The following SLC16A11 variants were observed in gnomAD, a reference collection of about 807,000 sequenced individuals.
The protein encoded by SLC16A11 is solute carrier family 16 member 11.
Under a neutral mutation model 26.0 loss-of-function variants are expected in SLC16A11, and 24 were observed. That is an observed-to-expected ratio of 0.92 (90% confidence interval 0.67 to 1.30). SLC16A11 has a LOEUF of 1.30. Ranked by LOEUF, SLC16A11 falls within the 50% of genes most tolerant of loss-of-function variation. SLC16A11 has a pLI of 0.00. For missense variants in SLC16A11, 638 were observed against 597.7 expected (o/e 1.07, Z -0.70); for synonymous variants, 332 against 296.0 (o/e 1.12, Z -1.25).
intron 2 of SLC16A11, 82 bp downstream of exon 2, chr17:7,043,230 C>T: frequency 1.3e-6 from 2 of 1,516,922 alleles, no homozygotes; most frequent in Non-Finnish European, 1.8e-6. Flanking sequence ...CTCAGGTTGT[C>T]GGGTAATCAG....
rs968085398 is a variant in SLC16A11, at chr17:7,043,243, G to T, written c.202+69C>A. On this transcript the variant is annotated intron_variant, in intron 2 of 4. Transcript: ENST00000574600. ...TTCTCAGGTTGTCGGGTAATCAGGT[G>T]GGTCTCCCATCCCTCCACTCACGGC... The T allele has an allele frequency of 3.9e-5, 60 of 1,534,316 alleles. No individual in the cohort carries two copies. The East Asian group carries it at 1.2e-3, about 32-fold the overall frequency.
In SLC16A11 at chr17:7,043,435, G is replaced by T. The variant is rs757941446; in HGVS notation, c.79C>A (p.Leu27Met). The change falls in exon 2 of 5, where the codon CTG (leucine) becomes ATG (methionine). Residue 27 changes from leucine (L) to methionine (M), a missense_variant. Coordinates refer to ENST00000574600, the MANE Select transcript of SLC16A11 (RefSeq NM_001370549.1). Reference protein sequence around the residue: ...VAAAAFAINGLSYGLLRSLGL... With the variant: ...VAAAAFAINGMSYGLLRSLGL... ...AGCGAGCGCAGCAGCCCGTAGGACA[G>T]CCCGTTTATCGCGAAGGCTGCGGCC... The T allele has an allele frequency of 1.2e-5, 20 of 1,600,768 alleles. No individual in the cohort carries two copies. Among genetic ancestry groups the T allele is most frequent in the African/African-American group, 4.0e-5 (3 of 74,810 alleles).
rs868421848 is a variant in SLC16A11 at position 7,042,668 on chromosome 17, C to G, written c.442G>C (p.Gly148Arg). 3.2e-6 allele frequency: 5 copies of G among 1,558,346 alleles called. No individual in the cohort carries two copies. Among genetic ancestry groups the G allele is most frequent in the South Asian group, 2.3e-5 (2 of 85,438 alleles). Residue 148 changes from glycine to arginine, a missense_variant, in exon 4 of 5, where the codon GGC (glycine) becomes CGC (arginine). Transcript: ENST00000574600. The surrounding 1 kb of genome is among the most constrained non-coding windows in gnomAD (Gnocchi z 5.9). ...AGGAGCAGCGAGGAGGCCCCGTTGCCGGTGAGCGCCAGCCCCACCGCCAAG... is the reference window on the plus strand; with the variant it reads ...AGGAGCAGCGAGGAGGCCCCGTTGCGGGTGAGCGCCAGCCCCACCGCCAAG... ...RVLAVGLALT[G>R]NGASSLLLAP... is the part of the protein sequence containing the mutation.
chr17:7,043,639 G>T, intron 1 of SLC16A11, 120 bp from the exon 2 acceptor site: 3 of 1,492,506 alleles, frequency 2.0e-6, no homozygotes, highest in Non-Finnish European at 2.7e-6. Flanking sequence ...CACTCCGAGC[G>T]CGATGGCGCG....
Position 7,042,321 on chromosome 17 carries a change from C to T in SLC16A11, c.789G>A (p.Ala263=), listed in dbSNP as rs779648617. 6.5e-7 allele frequency: 1 copy of T among 1,546,962 alleles called. No homozygotes were observed. The highest frequency in any genetic ancestry group is 8.7e-7 in the Non-Finnish European group (1 of 1,143,562). Residue 263 remains alanine (A), a synonymous_variant, in exon 4 of 5, where the codon GCG becomes GCA. Coordinates refer to ENST00000574600, the MANE Select transcript of SLC16A11 (RefSeq NM_001370549.1). This position sits in a 1 kb window ranked among gnomAD's most constrained non-coding sequence, Gnocchi z 5.9. The part of the protein sequence containing the change: ...YGAALVVAVA[A]MGDAGARLVC... ...CCAGCCGGGCGCCCGCATCCCCCAT[C>T]GCAGCCACGGCCACCACCAGCGCTG...
Position 7,042,591 on chromosome 17 carries a change from C to T in SLC16A11, c.519G>A (p.Leu173=). ...LLDTFGWRGA[L]LLLGAITLHL... is the part of the protein sequence containing the mutation. Reference sequence around the variant, plus strand: ...GGAGGGTGATCGCGCCGAGGAGGAGCAGAGCGCCCCGCCAGCCGAAAGTAT... The same window carrying T: ...GGAGGGTGATCGCGCCGAGGAGGAGTAGAGCGCCCCGCCAGCCGAAAGTAT... Residue 173 remains leucine, a synonymous_variant, in exon 4 of 5, where the codon CTG becomes CTA. Transcript: ENST00000574600. The surrounding 1 kb of genome is among the most constrained non-coding windows in gnomAD (Gnocchi z 5.9). 1 of 1,583,808 alleles carries T rather than the reference C, an allele frequency of 6.3e-7. No homozygotes were observed.
Position 7,043,363 on chromosome 17 carries a change from G to A in SLC16A11, c.151C>T (p.Gln51Ter). ...DLAEHFDRSA[Q>*]DTAWISALAL... Reference sequence around the variant, plus strand: ...AGGGCGCTGATCCACGCAGTGTCCTGGGCGCTTCGGTCAAAGTGCTCGGCA... The same window carrying A: ...AGGGCGCTGATCCACGCAGTGTCCTAGGCGCTTCGGTCAAAGTGCTCGGCA... Residue 51 changes from glutamine (Q) to a stop codon, truncating the protein, a stop_gained, in exon 2 of 5, where the codon CAG (glutamine) becomes TAG (stop). Transcript: ENST00000574600. LOFTEE classifies it high-confidence loss of function. 1 of 1,610,564 alleles carries A rather than the reference G, an allele frequency of 6.2e-7. No homozygotes were observed. Among genetic ancestry groups the A allele is most frequent in the African/African-American group, 1.3e-5 (1 of 75,062 alleles).
At position 7,042,810 on chromosome 17, in the gene SLC16A11, CCCCAGCATT is replaced by C. The variant is rs1393753121; in HGVS notation, c.347-56_347-48del. 2 of 1,554,544 alleles carry C rather than the reference CCCCAGCATT, an allele frequency of 1.3e-6. No individual in the cohort carries two copies. Among genetic ancestry groups the C allele is most frequent in the South Asian group, 2.3e-5 (2 of 85,408 alleles). On this transcript the variant is annotated intron_variant, in intron 3 of 4. Transcript: ENST00000574600. This position sits in a 1 kb window ranked among gnomAD's most constrained non-coding sequence, Gnocchi z 5.9. ...TGGGGGCCGGCACTGGGGACGCCCG[CCCCAGCATT>C]CCCAGCCCGGCTCTCCGCACCAGGC...
In SLC16A11 at chr17:7,042,259, A is replaced by C; in HGVS notation, c.851T>G (p.Leu284Arg). The C allele has an allele frequency of 1.9e-6, 3 of 1,576,248 alleles. No homozygotes were observed. Among genetic ancestry groups the C allele is most frequent in the Non-Finnish European group, 2.6e-6 (3 of 1,161,752 alleles). ...GWLADQGWVP[L>R]PRLLAVFGAL... is the part of the protein sequence containing the mutation. ...CCCGAATACGGCCAGCAGCCGCGGG[A>C]GGGGCACCCAGCCTTGGTCTGCCAG... Residue 284 changes from leucine (L) to arginine (R), a missense_variant, in exon 4 of 5, where the codon CTC becomes CGC. Physicochemically the swap from Leu to Arg is moderately radical, Grantham distance 102 (BLOSUM62 -2). Coordinates refer to ENST00000574600, the MANE Select transcript of SLC16A11 (RefSeq NM_001370549.1). This position sits in a 1 kb window ranked among gnomAD's most constrained non-coding sequence, Gnocchi z 5.9.
Position 7,043,530 on chromosome 17 carries a change from G to A in SLC16A11, c.-6-11C>T. 6 of 1,595,842 alleles carry A rather than the reference G, an allele frequency of 3.8e-6. No homozygotes were observed. The highest frequency in any genetic ancestry group is 5.1e-6 in the Non-Finnish European group (6 of 1,177,656). ...GGGGGTCATCGCCGTCTGCGGGGTGGGGAAACATCTGTGAGAGAAGCCTCC... is the reference window on the plus strand; with the variant it reads ...GGGGGTCATCGCCGTCTGCGGGGTGAGGAAACATCTGTGAGAGAAGCCTCC... On this transcript the variant is annotated splice_polypyrimidine_tract_variant and intron_variant, in intron 1 of 4. Coordinates refer to ENST00000574600, the MANE Select transcript of SLC16A11 (RefSeq NM_001370549.1).
rs1400280041 is a variant in SLC16A11 at position 7,042,588 on chromosome 17, G to A, written c.522C>T (p.Leu174=). 1 of 1,584,360 alleles carries A rather than the reference G, an allele frequency of 6.3e-7. No homozygotes were observed. Residue 174 remains leucine (L), a synonymous_variant, in exon 4 of 5, where the codon CTC becomes CTT. Coordinates refer to ENST00000574600, the MANE Select transcript of SLC16A11 (RefSeq NM_001370549.1). This position sits in a 1 kb window ranked among gnomAD's most constrained non-coding sequence, Gnocchi z 5.9. Reference sequence around the variant, plus strand: ...GGTGGAGGGTGATCGCGCCGAGGAGGAGCAGAGCGCCCCGCCAGCCGAAAG... The same window carrying A: ...GGTGGAGGGTGATCGCGCCGAGGAGAAGCAGAGCGCCCCGCCAGCCGAAAG... The part of the protein sequence containing the change: ...LDTFGWRGAL[L]LLGAITLHLT...
At chr17:7,043,711 G>T in intron 1 of SLC16A11, 64 bp downstream of exon 1, 4 of 1,176,692 alleles carry the variant, frequency 3.4e-6, no homozygotes, top group Non-Finnish European at 4.6e-6. Context: ...GAGGTACGGG[G>T]ACGGGGACAG....
At position 7,043,077 on chromosome 17, in the gene SLC16A11, A is replaced by C; in HGVS notation, c.203-4T>G. The C allele has an allele frequency of 6.5e-7, 1 of 1,536,546 alleles. No homozygotes were observed. ...CTCAGGGCGCTGCCCACGGGGCCTG[A>C]AAGGGGGCGGAGTCAACGGAAGACA... On this transcript the variant is annotated splice_region_variant and splice_polypyrimidine_tract_variant and intron_variant, in intron 2 of 4. Transcript: ENST00000574600.
chr17:7,043,336 C>A lies in SLC16A11; in HGVS notation c.178G>T (p.Ala60Ser). The A allele has an allele frequency of 6.2e-7, 1 of 1,609,590 alleles. No homozygotes were observed. The highest frequency in any genetic ancestry group is 8.5e-7 in the Non-Finnish European group (1 of 1,179,692). The change falls in exon 2 of 5, where the codon GCC (alanine) becomes TCC (serine). Residue 60 changes from alanine (A) to serine (S), a missense_variant. Transcript: ENST00000574600. Reference sequence around the variant, plus strand: ...CTGGCTGCCTGCTGCACGGCCAGGGCCAGGGCGCTGATCCACGCAGTGTCC... The same window carrying A: ...CTGGCTGCCTGCTGCACGGCCAGGGACAGGGCGCTGATCCACGCAGTGTCC... The part of the protein sequence containing the change: ...AQDTAWISAL[A>S]LAVQQAASPV...
rs965501403 is a variant in SLC16A11 at position 7,042,830 on chromosome 17, C to G, written c.347-67G>C. On this transcript the variant is annotated intron_variant, in intron 3 of 4. Coordinates refer to ENST00000574600, the MANE Select transcript of SLC16A11 (RefSeq NM_001370549.1). The surrounding 1 kb of genome is among the most constrained non-coding windows in gnomAD (Gnocchi z 5.9). ...GCCCGCCCCAGCATTCCCAGCCCGG[C>G]TCTCCGCACCAGGCCCCCGCCTCGT... The G allele has an allele frequency of 9.6e-6, 15 of 1,570,366 alleles. No individual in the cohort carries two copies. The African/African-American group carries it at 1.5e-4, about 16-fold the overall frequency.
At position 7,042,072 on chromosome 17, in the gene SLC16A11, G is replaced by A. The variant is rs1910766963; in HGVS notation, c.1038C>T (p.Val346=). 6.2e-7 allele frequency: 1 copy of A among 1,606,008 alleles called. No homozygotes were observed. Among genetic ancestry groups the A allele is most frequent in the Non-Finnish European group, 8.5e-7 (1 of 1,174,656 alleles). The change falls in exon 4 of 5, where the codon GTC becomes GTT. Residue 346 remains valine, a synonymous_variant. Coordinates refer to ENST00000574600, the MANE Select transcript of SLC16A11 (RefSeq NM_001370549.1). The surrounding 1 kb of genome is among the most constrained non-coding windows in gnomAD (Gnocchi z 5.9). The stretch of plus-strand genomic sequence containing the variant: ...GCCCTGTGGCCTGCACCACACCTCC[G>A]ACGCCCACCAGCCCGGGGAGTACAC... ...VFGVLPGLVG[V]GGVVQATGLV...
chr17:7,043,280 G>A (rs773812430), intron 2 of SLC16A11, 32 bp downstream of exon 2: 19 of 1,586,720 alleles, frequency 1.2e-5, no homozygotes, highest in East Asian at 6.7e-5. Flanking sequence ...CCTCCTCCCC[G>A]TTCCTGTCTC....
In SLC16A11 at chr17:7,043,394, A is replaced by T. The variant is rs369445752; in HGVS notation, c.120T>A (p.Pro40=). The change falls in exon 2 of 5, where the codon CCT becomes CCA. Residue 40 remains proline (P), a synonymous_variant. Coordinates refer to ENST00000574600, the MANE Select transcript of SLC16A11 (RefSeq NM_001370549.1). The stretch of plus-strand genomic sequence containing the variant: ...TTCGGTCAAAGTGCTCGGCAAGGTC[A>T]GGGAAGGCAAGGCCCAGCGAGCGCA... The part of the protein sequence containing the change: ...GLLRSLGLAF[P]DLAEHFDRSA... 1.2e-6 allele frequency: 2 copies of T among 1,608,900 alleles called. No individual in the cohort carries two copies. The highest frequency in any genetic ancestry group is 1.7e-6 in the Non-Finnish European group (2 of 1,179,548).
rs1401951964 is a variant in SLC16A11, at chr17:7,042,004, G to C, written c.1106C>G (p.Pro369Arg). The change falls in exon 4 of 5, where the codon CCC (proline) becomes CGC (arginine). Residue 369 changes from proline (P) to arginine (R), a missense_variant. Coordinates refer to ENST00000574600, the MANE Select transcript of SLC16A11 (RefSeq NM_001370549.1). This position sits in a 1 kb window ranked among gnomAD's most constrained non-coding sequence, Gnocchi z 5.9. ...LMSLGGLLGP[P>R]LSGFLRDETG... ...TGAGCTCAGGTCCTTACCTGACAGG[G>C]GAGGGCCCAGGAGCCCCCCGAGGCT... 2.7e-5 allele frequency: 42 copies of C among 1,578,266 alleles called. No homozygotes were observed. The highest frequency in any genetic ancestry group is 3.5e-5 in the Non-Finnish European group (41 of 1,158,860).
Sources: gnomAD v4.1 joint callset for allele counts on GRCh38, gnomAD v4.1.1 for gene constraint, Gnocchi (gnomAD v3.1) non-coding constraint, MANE v1.5 for transcripts, NCBI Gene and HGNC (gene_info 2026-07-23, HGNC 2026-07-21) for gene names.